The following SPATS2L variants were observed in gnomAD, a reference collection of about 807,000 sequenced individuals.
The protein encoded by SPATS2L is spermatogenesis associated serine rich 2 like, also known as SPATS2-like protein.
In SPATS2L, 30 loss-of-function variants were observed where a neutral mutation model predicts 59.6. The ratio of observed to expected loss-of-function variants is 0.50; its 90% CI spans 0.38 to 0.68. The LOEUF is 0.68. SPATS2L is among the 30% of genes least tolerant of loss of function. SPATS2L has a pLI of 0.00. For missense variants in SPATS2L, 615 were observed against 700.0 expected, an observed-to-expected ratio of 0.88 and a Z score of 1.37; for synonymous variants, 252 against 263.5, an observed-to-expected ratio of 0.96 and a Z score of 0.42.
At chr2:200,334,765 A>G (rs2080082552) in intron 2 of SPATS2L, among the ~76,000 whole-genome samples, 1 of 152,192 alleles carries the variant, frequency 6.6e-6, no homozygotes, top group East Asian at 1.9e-4. Context: ...TTTATTAAAT[A>G]GGGAATCCTT....
chr2:200,460,007 T>C (rs1050156585), intron 9 of SPATS2L, among the ~76,000 whole-genome samples, 180 bp downstream of exon 9: 5 of 152,172 alleles, frequency 3.3e-5, no homozygotes, highest in African/African-American at 1.2e-4. Context: ...ATTTACATCA[T>C]CTGGCAAAAA....
intron 10 of SPATS2L, chr2:200,469,659 T>G: frequency 2.4e-6 from 1 of 420,034 alleles, no homozygotes; most frequent in Non-Finnish European, 4.3e-6. Flanking sequence ...AATAGATGAG[T>G]CAGACACACA....
At chr2:200,343,405 T>G (rs144186499) in intron 2 of SPATS2L, among the ~76,000 whole-genome samples, 2,045 of 152,310 alleles carry the variant, frequency 0.013, 19 homozygotes, top group Middle Eastern at 0.027. Context: ...AGCACATCTA[T>G]CATACTTCAC....
chr2:200,455,984 T>C (rs1443723840), intron 8 of SPATS2L, among the ~76,000 whole-genome samples: 16 of 152,182 alleles, frequency 1.1e-4, no homozygotes, highest in Non-Finnish European at 8.8e-5. Flanking sequence ...GGCACTCGCT[T>C]GATGTAAGGC....
At chr2:200,337,699 C>T (rs981045221) in intron 2 of SPATS2L, among the ~76,000 whole-genome samples, 5 of 152,170 alleles carry the variant, frequency 3.3e-5, no homozygotes, top group East Asian at 1.9e-4. Context: ...CAATTTAAAA[C>T]GTGAGAGAGA....
chr2:200,413,899 A>G (rs1329748397), intron 4 of SPATS2L, among the ~76,000 whole-genome samples: 2 of 152,210 alleles, frequency 1.3e-5, no homozygotes, highest in Admixed American at 6.5e-5. Context: ...ATTTTTAGTC[A>G]CAAGAAGCAA....
intron 1 of SPATS2L, among the ~76,000 whole-genome samples, chr2:200,318,545 G>A (rs1014233262): frequency 1.5e-4 from 23 of 152,214 alleles, no homozygotes; most frequent in African/African-American, 5.3e-4. Flanking sequence ...GAACTGTTTC[G>A]GTTGCAGTGG....
intron 8 of SPATS2L, among the ~76,000 whole-genome samples, chr2:200,446,860 T>C (rs1484688400): frequency 6.6e-6 from 1 of 152,196 alleles, no homozygotes; most frequent in Non-Finnish European, 1.5e-5. Context: ...AAATATTTTT[T>C]CCATAGTGCC....
In SPATS2L at chr2:200,429,060, T is replaced by C. The variant is rs897416316; in HGVS notation, c.445+9564T>C. 9.8e-5 allele frequency among the ~76,000 whole-genome samples: 15 copies of C among 152,306 alleles called. 1 individual carries two copies. The South Asian group carries it at 2.3e-3, about 23-fold the overall frequency. ...AAAGACAAGAAGACTTACCCTGTCCTGCAAGCCCAGCATAGTCTGGCCCCT... is the reference window on the plus strand; with the variant it reads ...AAAGACAAGAAGACTTACCCTGTCCCGCAAGCCCAGCATAGTCTGGCCCCT... On this transcript the variant is annotated intron_variant, in intron 6 of 12. Coordinates refer to ENST00000409140, the MANE Select transcript of SPATS2L (RefSeq NM_001100423.2).
upstream of SPATS2L, chr2:200,306,561 C>A: frequency 3.0e-6 from 3 of 1,001,258 alleles, no homozygotes; most frequent in Non-Finnish European, 2.4e-6. Flanking sequence ...GCTGTGTTTG[C>A]GAGCGGGAGC....
chr2:200,329,363 A>G (rs760981363), intron 1 of SPATS2L, 68 bp from the exon 2 acceptor site: 31 of 1,307,924 alleles, frequency 2.4e-5, no homozygotes, highest in Non-Finnish European at 3.2e-5. Context: ...TTTGAGTGTG[A>G]TGGGAAATGG....
chr2:200,462,613 T>A (rs1390976984), intron 9 of SPATS2L, among the ~76,000 whole-genome samples: 2 of 152,150 alleles, frequency 1.3e-5, no homozygotes, highest in African/African-American at 4.8e-5. Flanking sequence ...GTTGTTGACT[T>A]CTCAAAGTCT....
intron 2 of SPATS2L, among the ~76,000 whole-genome samples, chr2:200,379,263 A>G (rs538593856): frequency 1.3e-5 from 2 of 152,348 alleles, no homozygotes; most frequent in South Asian, 4.1e-4. Context: ...CTTAGTGAGT[A>G]GCTTACCTCT....
chr2:200,408,670 G>A (rs1262499703), intron 3 of SPATS2L, among the ~76,000 whole-genome samples: 1 of 152,218 alleles, frequency 6.6e-6, no homozygotes, highest in Admixed American at 6.5e-5. Context: ...CTCAGGTGCA[G>A]AGAAGGCAAG....
At chr2:200,407,944 A>G (rs180897779) in intron 3 of SPATS2L, among the ~76,000 whole-genome samples, 1 of 152,320 alleles carries the variant, frequency 6.6e-6, no homozygotes, top group Admixed American at 6.5e-5. Context: ...CATGCACCGT[A>G]TTAGTCGCTT....
chr2:200,396,011 G>GGAAAAAAAAAAAA (rs1466614581), intron 3 of SPATS2L, among the ~76,000 whole-genome samples: 1 of 10,598 alleles, frequency 9.4e-5, no homozygotes, highest in Non-Finnish European at 1.3e-4. Flanking sequence ...ACTCGATCTG[G>GGAAAAAAAAAAAA]AAAAAAAAAA....
chr2:200,450,833 G>C (rs116607686), intron 8 of SPATS2L, among the ~76,000 whole-genome samples: 3 of 152,148 alleles, frequency 2.0e-5, no homozygotes, highest in Non-Finnish European at 2.9e-5. Flanking sequence ...ATGGAGCTGG[G>C]GGGAGGAAAA....
At chr2:200,330,625 A>C (rs554896413) in intron 2 of SPATS2L, among the ~76,000 whole-genome samples, 1 of 152,324 alleles carries the variant, frequency 6.6e-6, no homozygotes, top group African/African-American at 2.4e-5. Flanking sequence ...AGATCCTGGC[A>C]GCCTTCTACC....
intron 6 of SPATS2L, among the ~76,000 whole-genome samples, chr2:200,431,200 G>GT: frequency 6.6e-6 from 1 of 152,192 alleles, no homozygotes; most frequent in Admixed American, 6.5e-5. Flanking sequence ...TAATCTCATT[G>GT]TTTTTACTTT....
Sources: gnomAD v4.1 joint callset for allele counts (sites outside exome capture counted in the v4.1 genomes callset) on GRCh38, gnomAD v4.1.1 for gene constraint, MANE v1.5 for transcripts, NCBI Gene and HGNC (gene_info 2026-07-23, HGNC 2026-07-21) for gene names.